Variants in WWOX observed in about 807,000 individuals in gnomAD.
WWOX encodes the protein WW domain containing oxidoreductase, also known as WW domain-containing oxidoreductase.
Under a neutral mutation model 46.2 loss-of-function variants are expected in WWOX, and 69 were observed. The observed-to-expected ratio is 1.49, with a 90% confidence interval of 1.23 to 1.82. WWOX has a LOEUF of 1.82. Among genes scored for constraint, WWOX ranks in the 40% most tolerant of loss-of-function variants. WWOX has a pLI of 0.00. For synonymous variants in WWOX, 359 were observed against 202.6 expected (o/e 1.77, Z -6.56); for missense variants, 919 against 542.6 (o/e 1.69, Z -6.89).
At chr16:78,878,607 T>C (rs970762965) in intron 8 of WWOX, among the ~76,000 whole-genome samples, 2 of 152,134 alleles carry the variant, frequency 1.3e-5, no homozygotes, top group Non-Finnish European at 2.9e-5. Context: ...TATCATGAGA[T>C]AATATGTATG....
chr16:78,588,822 G>T (rs1405223545), intron 8 of WWOX, among the ~76,000 whole-genome samples: 2 of 152,186 alleles, frequency 1.3e-5, no homozygotes, highest in Non-Finnish European at 2.9e-5. Context: ...GGTCTCTGTG[G>T]AGAGGTGCAG....
At chr16:78,380,649 G>C (rs2081934875) in intron 5 of WWOX, among the ~76,000 whole-genome samples, 1 of 152,122 alleles carries the variant, frequency 6.6e-6, no homozygotes, top group Non-Finnish European at 1.5e-5. Context: ...TAAGGATCTA[G>C]AGTTATGAAC....
chr16:79,067,418 A>T (rs1388363635), intron 8 of WWOX, among the ~76,000 whole-genome samples: 3 of 151,836 alleles, frequency 2.0e-5, no homozygotes, highest in Non-Finnish European at 4.4e-5. Flanking sequence ...GACCTTTCTT[A>T]AAAACTTTAT....
intron 8 of WWOX, among the ~76,000 whole-genome samples, chr16:78,792,028 C>A (rs140515963): frequency 6.6e-6 from 1 of 152,098 alleles, no homozygotes; most frequent in Non-Finnish European, 1.5e-5. Context: ...CCTTATTTCA[C>A]CTTGAGCTAC....
chr16:78,994,204 G>T (rs2046943776), intron 8 of WWOX: 1 of 151,390 alleles, frequency 6.6e-6, no homozygotes, highest in South Asian at 2.1e-4. Flanking sequence ...AGGCCTTCTT[G>T]TTTTGTGTTC....
chr16:78,210,923 G>T (rs2036540227), intron 5 of WWOX, among the ~76,000 whole-genome samples: 1 of 152,156 alleles, frequency 6.6e-6, no homozygotes, highest in African/African-American at 2.4e-5. Flanking sequence ...TAAAGATTCT[G>T]TTAAGAGCTA....
At chr16:78,820,842 G>C (rs78680005) in intron 8 of WWOX, among the ~76,000 whole-genome samples, 3,164 of 152,190 alleles carry the variant, frequency 0.021, 41 homozygotes, top group Non-Finnish European at 0.024. Flanking sequence ...CTGTCTCCTG[G>C]TTTCTGGTGA....
At chr16:78,769,946 A>C (rs1289036366) in intron 8 of WWOX, among the ~76,000 whole-genome samples, 1 of 152,128 alleles carries the variant, frequency 6.6e-6, no homozygotes, top group Non-Finnish European at 1.5e-5. Context: ...TGGCAGGCTG[A>C]AGCAGGAGGA....
In WWOX at chr16:79,025,128, T is replaced by TGTTAC. The variant is rs1379592276; in HGVS notation, c.1057-186477_1057-186476insACGTT. Among the ~76,000 whole-genome samples, 3 of 16,202 alleles carry TGTTAC rather than the reference T, an allele frequency of 1.9e-4. No homozygotes were observed. In the East Asian group the frequency reaches 0.11, roughly 579 times the overall value. The allele number at this position is 16,202 out of a possible 152,430, so 10.6% of individuals were successfully genotyped here. On this transcript the variant is annotated intron_variant, in intron 8 of 8. Coordinates refer to ENST00000566780, the MANE Select transcript of WWOX (RefSeq NM_016373.4). Reference sequence around the variant, plus strand: ...TCAGGAAGGTGGGCTTGTTTTGTTTTGTTTTGTTTTGTTTTGCTTGTTGAG... The same window carrying TGTTAC: ...TCAGGAAGGTGGGCTTGTTTTGTTTTGTTACGTTTTGTTTTGTTTTGCTTGTTGAG...
At chr16:78,559,253 A>AT (rs2151555213) in intron 8 of WWOX, among the ~76,000 whole-genome samples, 1 of 152,302 alleles carries the variant, frequency 6.6e-6, no homozygotes, top group South Asian at 2.1e-4. Flanking sequence ...GGGACCATGC[A>AT]TGTATTTTAG....
intron 8 of WWOX, among the ~76,000 whole-genome samples, chr16:78,576,491 G>A (rs1008285328): frequency 2.0e-5 from 3 of 152,024 alleles, no homozygotes; most frequent in Admixed American, 1.3e-4. Flanking sequence ...TTTCCATTTC[G>A]GTTTCCTTAA....
intron 8 of WWOX, among the ~76,000 whole-genome samples, chr16:79,010,276 G>A (rs1172241541): frequency 1.2e-4 from 18 of 152,326 alleles, no homozygotes; most frequent in Admixed American, 9.2e-4. Flanking sequence ...AGGAGCAGAC[G>A]AGGGAGACAC....
At chr16:79,023,790 T>TAAA (rs2047582650) in intron 8 of WWOX, among the ~76,000 whole-genome samples, 1 of 39,298 alleles carries the variant, frequency 2.5e-5, no homozygotes, top group African/African-American at 1.5e-4. Context: ...CTACTAAAAA[T>TAAA]ACAAAAAAAA....
At chr16:78,410,507 G>A (rs2082654581) in intron 6 of WWOX, among the ~76,000 whole-genome samples, 2 of 152,030 alleles carry the variant, frequency 1.3e-5, no homozygotes, top group African/African-American at 4.8e-5. Flanking sequence ...TTCTTGGGCT[G>A]CAATCAAGAT....
chr16:78,356,804 C>A (rs1333098311), intron 5 of WWOX, among the ~76,000 whole-genome samples: 1 of 152,090 alleles, frequency 6.6e-6, no homozygotes, highest in African/African-American at 2.4e-5. Context: ...ATTTCTTGAA[C>A]CTGGGAGGTG....
intron 8 of WWOX, among the ~76,000 whole-genome samples, chr16:79,122,504 T>A (rs1465704597): frequency 6.6e-6 from 1 of 152,068 alleles, no homozygotes; most frequent in Non-Finnish European, 1.5e-5. Flanking sequence ...TTCTTTCTTT[T>A]TCCTTCCCTT....
At chr16:78,272,467 C>T (rs2079497291) in intron 5 of WWOX, among the ~76,000 whole-genome samples, 1 of 152,250 alleles carries the variant, frequency 6.6e-6, no homozygotes, top group South Asian at 2.1e-4. Context: ...GGGGTTGGCA[C>T]AGCATGACTG....
chr16:79,015,214 G>C (rs1208497909), intron 8 of WWOX, among the ~76,000 whole-genome samples: 1 of 152,138 alleles, frequency 6.6e-6, no homozygotes, highest in Non-Finnish European at 1.5e-5. Flanking sequence ...GACAGTGTAG[G>C]AAACACAGAA....
chr16:78,859,600 T>A (rs1438923153), intron 8 of WWOX, among the ~76,000 whole-genome samples: 1 of 152,202 alleles, frequency 6.6e-6, no homozygotes, highest in African/African-American at 2.4e-5. Context: ...GAAAATACCT[T>A]CATGTTCAGC....
Sources: allele counts gnomAD v4.1 joint callset (sites outside exome capture counted in the v4.1 genomes callset), GRCh38; gene constraint gnomAD v4.1.1; transcripts MANE v1.5; gene names NCBI Gene and HGNC (gene_info 2026-07-23, HGNC 2026-07-21).